The following FMN1 variants were observed in gnomAD, a reference collection of about 807,000 sequenced individuals.
FMN1 encodes the protein formin 1.
FMN1 carries 110 observed loss-of-function variants against 132.4 expected under a neutral mutation model. The ratio of observed to expected loss-of-function variants is 0.83; its 90% confidence interval spans 0.71 to 0.97. The LOEUF (loss-of-function observed/expected upper bound fraction) is 0.97, where lower values mean the gene tolerates loss of function less well. Ranked by LOEUF, FMN1 falls within the 50% of genes least tolerant of loss-of-function variation. The probability of loss-of-function intolerance (pLI) is 0.00; values close to 1 mark genes in which losing one functional copy is unlikely to be tolerated. For missense variants in FMN1, 1,792 were observed against 1,705.3 expected (o/e 1.05, Z -0.90); for synonymous variants, 722 against 651.7 (o/e 1.11, Z -1.64).
chr15:32,843,135 GA>G (rs5811712), intron 17 of FMN1, among the ~76,000 whole-genome samples: 129,668 of 143,810 alleles, frequency 0.9, 59,462 homozygotes, highest in Non-Finnish European at 0.99. Flanking sequence ...CTCAAAAAGA[GA>G]AAAAAAAAAA....
chr15:33,067,416 G>A, intron 5 of FMN1: 1 of 1,613,976 alleles, frequency 6.2e-7, no homozygotes, highest in Non-Finnish European at 8.5e-7. Flanking sequence ...CCCTCCTCTG[G>A]CTCCTGGCCA....
chr15:32,872,294 A>G (rs1175521853), intron 16 of FMN1, among the ~76,000 whole-genome samples: 1 of 152,238 alleles, frequency 6.6e-6, no homozygotes, highest in East Asian at 1.9e-4. Flanking sequence ...TGAAGAACAT[A>G]TAGAGCCTAT....
chr15:33,142,291 G>C (rs897609746), intron 4 of FMN1, among the ~76,000 whole-genome samples: 1 of 152,180 alleles, frequency 6.6e-6, no homozygotes, highest in Non-Finnish European at 1.5e-5. Flanking sequence ...TGAGGTCCCT[G>C]ATGTCCTTTA....
At chr15:33,179,384 A>T (rs1428930036) in intron 3 of FMN1, among the ~76,000 whole-genome samples, 1 of 152,194 alleles carries the variant, frequency 6.6e-6, no homozygotes, top group East Asian at 1.9e-4. Context: ...ATTCTAACAT[A>T]AACTGAAAAA....
chr15:32,864,253 T>A (rs1459637727), intron 16 of FMN1, among the ~76,000 whole-genome samples: 2 of 152,192 alleles, frequency 1.3e-5, no homozygotes, highest in Non-Finnish European at 2.9e-5. Context: ...GCAGGAGTAT[T>A]TTAAATCTTG....
intron 5 of FMN1, among the ~76,000 whole-genome samples, chr15:33,085,472 T>C (rs565574370): frequency 7.3e-4 from 110 of 151,554 alleles, no homozygotes; most frequent in African/African-American, 2.6e-3. Context: ...CTAAGCAACA[T>C]ACTAATATAT....
At chr15:32,895,994 GT>G (rs1431874964) in intron 15 of FMN1, among the ~76,000 whole-genome samples, 5 of 151,958 alleles carry the variant, frequency 3.3e-5, no homozygotes, top group African/African-American at 1.2e-4. Context: ...CTACACTTTT[GT>G]CATGTCTTAT....
chr15:32,774,399 C>T (rs1241985980), intron 20 of FMN1, 45 bp from the exon 21 acceptor site: 2 of 1,503,586 alleles, frequency 1.3e-6, no homozygotes, highest in African/African-American at 2.8e-5. Flanking sequence ...TTTCATCTTT[C>T]TCAAGTTTTG....
intron 16 of FMN1, 143 bp downstream of exon 16, chr15:32,888,029 G>C (rs141901911): frequency 3.4e-6 from 2 of 592,818 alleles, no homozygotes; most frequent in African/African-American, 1.8e-5. Context: ...GTGTAGAGAA[G>C]GAAAGTTTCC....
chr15:32,914,341 G>C (rs575969756), intron 10 of FMN1, among the ~76,000 whole-genome samples: 2 of 152,284 alleles, frequency 1.3e-5, no homozygotes, highest in African/African-American at 4.8e-5. Flanking sequence ...ATACGTGCCA[G>C]TGAACGTAAA....
chr15:33,016,697 A>AGCAC (rs1288102593), intron 6 of FMN1, among the ~76,000 whole-genome samples: 1 of 152,170 alleles, frequency 6.6e-6, no homozygotes, highest in Non-Finnish European at 1.5e-5. Context: ...CGTCAGCAAA[A>AGCAC]GCACAGGAAG....
chr15:33,026,470 A>G (rs368378504), intron 6 of FMN1, among the ~76,000 whole-genome samples: 28 of 150,132 alleles, frequency 1.9e-4, no homozygotes, highest in East Asian at 1.4e-3. Context: ...TTAGCCTTAT[A>G]ATCAGTGAGG....
chr15:32,957,662 G>A (rs1256297121), intron 9 of FMN1, among the ~76,000 whole-genome samples: 1 of 152,050 alleles, frequency 6.6e-6, no homozygotes, highest in South Asian at 2.1e-4. Flanking sequence ...AGATGTTTAA[G>A]AATTTCTTTC....
chr15:32,810,883 C>A, intron 17 of FMN1: 1 of 443,628 alleles, frequency 2.3e-6, no homozygotes, highest in Non-Finnish European at 4.5e-6. Flanking sequence ...TATAAACCAA[C>A]AGGACGCACA....
chr15:33,179,934 A>G (rs768440154), intron 3 of FMN1, among the ~76,000 whole-genome samples: 2 of 152,202 alleles, frequency 1.3e-5, no homozygotes, highest in African/African-American at 2.4e-5. Context: ...AGGAAGCCTT[A>G]GATAAGTAAG....
At chr15:32,973,576 A>ACCCCCCC (rs137961612) in intron 7 of FMN1, among the ~76,000 whole-genome samples, 9 of 147,430 alleles carry the variant, frequency 6.1e-5, no homozygotes, top group East Asian at 2.0e-4. Context: ...TCTGCCCCTC[A>ACCCCCCC]CCCCCCCCAA....
intron 7 of FMN1, among the ~76,000 whole-genome samples, chr15:33,002,556 GTAAT>G: frequency 6.6e-6 from 1 of 152,150 alleles, no homozygotes; most frequent in East Asian, 1.9e-4. Flanking sequence ...GAGTACAGGG[GTAAT>G]TAATCAGGCA....
At chr15:32,796,577 T>C (rs1042228500) in intron 19 of FMN1, among the ~76,000 whole-genome samples, 3 of 152,212 alleles carry the variant, frequency 2.0e-5, no homozygotes, top group Non-Finnish European at 2.9e-5. Flanking sequence ...TATCATTAAA[T>C]AGATGTCAAA....
intron 7 of FMN1, among the ~76,000 whole-genome samples, chr15:33,003,120 A>T (rs1156434488): frequency 6.6e-6 from 1 of 152,250 alleles, no homozygotes; most frequent in African/African-American, 2.4e-5. Flanking sequence ...AACTGGAAGC[A>T]TTCCCTTTAA....
Sources: gnomAD v4.1 joint callset for allele counts (sites outside exome capture counted in the v4.1 genomes callset) on GRCh38, gnomAD v4.1.1 for gene constraint, MANE v1.5 for transcripts, NCBI Gene and HGNC (gene_info 2026-07-23, HGNC 2026-07-21) for gene names.